RBFOX1: variants seen among roughly 807,000 people sequenced by gnomAD.
The protein encoded by RBFOX1 is RNA binding fox-1 homolog 1, also known as RNA binding protein fox-1 homolog 1.
A neutral mutation model predicts 57.7 loss-of-function variants in RBFOX1; 8 were observed. The ratio of observed to expected loss-of-function variants is 0.14; its 90% CI spans 0.08 to 0.25. The LOEUF (loss-of-function observed/expected upper bound fraction) is 0.25, where lower values mean the gene tolerates loss of function less well. Among genes scored for constraint, RBFOX1 ranks in the 10% least tolerant of loss-of-function variants. RBFOX1 has a pLI of 1.00. For synonymous variants in RBFOX1, 326 were observed against 222.4 expected (o/e 1.47, Z -4.15); for missense variants, 611 against 548.5 (o/e 1.11, Z -1.14).
chr16:7,091,109 C>T (rs1308157089), intron 4 of RBFOX1, among the ~76,000 whole-genome samples: 1 of 143,068 alleles, frequency 7.0e-6, no homozygotes, highest in Admixed American at 7.2e-5. Context: ...ATTTGTTTGA[C>T]TTTATAACCT....
intron 4 of RBFOX1, among the ~76,000 whole-genome samples, chr16:7,317,006 A>C (rs1353434620): frequency 6.6e-6 from 1 of 151,978 alleles, no homozygotes; most frequent in African/African-American, 2.4e-5. Flanking sequence ...ACACACAATA[A>C]GAGGGTTTAG....
intron 2 of RBFOX1, among the ~76,000 whole-genome samples, chr16:5,585,178 C>T (rs1375301593): frequency 6.6e-6 from 1 of 152,130 alleles, no homozygotes; most frequent in Non-Finnish European, 1.5e-5. Context: ...TCCTGCCCTC[C>T]CCCCGTCCCT....
At chr16:6,851,139 T>A (rs978560894) in intron 3 of RBFOX1, among the ~76,000 whole-genome samples, 4 of 152,226 alleles carry the variant, frequency 2.6e-5, no homozygotes, top group Admixed American at 2.6e-4. Context: ...AGCCCATTTC[T>A]AAATCATTTT....
rs553419165 is a variant in RBFOX1, at chr16:6,782,702, C to T, written c.-16+128052C>T. Among the ~76,000 whole-genome samples, 7 of 152,276 alleles carry T rather than the reference C, an allele frequency of 4.6e-5. No homozygotes were observed. In the East Asian group the frequency reaches 9.7e-4, roughly 21 times the overall value. ...GCCCATGAGAAGAATGTGTATTATTCAGCTATCGAATGAAATGTTTTGTAA... is the reference window on the plus strand; with the variant it reads ...GCCCATGAGAAGAATGTGTATTATTTAGCTATCGAATGAAATGTTTTGTAA... On this transcript the variant is annotated intron_variant, in intron 3 of 15. Transcript: ENST00000550418.
chr16:6,466,223 C>G (rs1483737841), intron 2 of RBFOX1, among the ~76,000 whole-genome samples: 1 of 143,002 alleles, frequency 7.0e-6, no homozygotes, highest in East Asian at 2.0e-4. Context: ...GATTAAAACT[C>G]TATCTCAAAA....
chr16:7,081,786 C>A (rs1411169256), intron 4 of RBFOX1, among the ~76,000 whole-genome samples: 1 of 152,026 alleles, frequency 6.6e-6, no homozygotes, highest in Non-Finnish European at 1.5e-5. Flanking sequence ...ATTTGAACAC[C>A]TGCCTGGAGA....
intron 2 of RBFOX1, among the ~76,000 whole-genome samples, chr16:6,626,419 T>C (rs2154052260): frequency 6.6e-6 from 1 of 152,238 alleles, no homozygotes; most frequent in South Asian, 2.1e-4. Context: ...TTGCTGTGGA[T>C]TCTCAACCAA....
At chr16:7,126,924 G>A (rs2068716383) in intron 4 of RBFOX1, among the ~76,000 whole-genome samples, 1 of 150,384 alleles carries the variant, frequency 6.6e-6, no homozygotes, top group Non-Finnish European at 1.5e-5. Context: ...CAGGAGAATA[G>A]CTTAAACCCG....
chr16:7,163,431 G>A (rs1231422699), intron 4 of RBFOX1, among the ~76,000 whole-genome samples: 2 of 152,092 alleles, frequency 1.3e-5, no homozygotes, highest in African/African-American at 4.8e-5. Flanking sequence ...CTGGTCTGGT[G>A]ACGTTTTGCT....
chr16:6,825,140 A>G lies in RBFOX1; in HGVS notation c.-16+170490A>G, dbSNP rs115205746. On this transcript the variant is annotated intron_variant, in intron 3 of 15. Transcript: ENST00000550418. ...GCCTCCCAAGTAGCTAGGATTAACA[A>G]CCTCACTCAGCACCCTTGGCGTTGC... Among the ~76,000 whole-genome samples the G allele has an allele frequency of 1.8e-3, 271 of 149,442 alleles. 2 individuals are homozygous for G. Among genetic ancestry groups the G allele is most frequent in the African/African-American group, 6.2e-3 (253 of 40,850 alleles).
chr16:6,648,845 CA>C (rs1257034186), intron 2 of RBFOX1, among the ~76,000 whole-genome samples: 1 of 152,032 alleles, frequency 6.6e-6, no homozygotes, highest in Non-Finnish European at 1.5e-5. Context: ...TGTAAACTGA[CA>C]AAAGTTATAT....
intron 3 of RBFOX1, among the ~76,000 whole-genome samples, chr16:5,756,259 C>T (rs187874208): frequency 6.8e-6 from 1 of 147,924 alleles, no homozygotes; most frequent in African/African-American, 2.5e-5. Flanking sequence ...CCCTGCACCA[C>T]CTCCTGCAGT....
chr16:7,523,358 A>T (rs2077939558), intron 5 of RBFOX1, among the ~76,000 whole-genome samples: 1 of 152,234 alleles, frequency 6.6e-6, no homozygotes, highest in African/African-American at 2.4e-5. Flanking sequence ...GGATGCAGAG[A>T]AATTTTCAAG....
chr16:6,004,646 C>G (rs1443835549), intron 4 of RBFOX1, among the ~76,000 whole-genome samples: 4 of 152,198 alleles, frequency 2.6e-5, no homozygotes, highest in South Asian at 2.1e-4. Flanking sequence ...TTTTATTTCT[C>G]TCTCCAGAAT....
intron 3 of RBFOX1, among the ~76,000 whole-genome samples, chr16:6,849,332 T>A (rs932017085): frequency 1.3e-5 from 2 of 152,136 alleles, no homozygotes; most frequent in East Asian, 1.9e-4. Context: ...AGAAATAGAT[T>A]ATGACAAAAG....
chr16:7,448,320 A>T (rs2098824230), intron 4 of RBFOX1, among the ~76,000 whole-genome samples: 1 of 152,228 alleles, frequency 6.6e-6, no homozygotes, highest in South Asian at 2.1e-4. Flanking sequence ...TAATAAAGAC[A>T]TACCTGAAAC....
chr16:7,017,661 T>C (rs981674485), intron 3 of RBFOX1, among the ~76,000 whole-genome samples: 7 of 152,184 alleles, frequency 4.6e-5, no homozygotes, highest in Non-Finnish European at 1.0e-4. Context: ...GGCTGATACA[T>C]GCTTGACCTT....
At chr16:7,194,229 A>T (rs1353499972) in intron 4 of RBFOX1, among the ~76,000 whole-genome samples, 8 of 152,244 alleles carry the variant, frequency 5.3e-5, no homozygotes, top group Admixed American at 5.2e-4. Flanking sequence ...CAGTGTCTAC[A>T]GGTAATGGTT....
chr16:6,321,713 T>C (rs190501750), intron 2 of RBFOX1, among the ~76,000 whole-genome samples: 306 of 152,328 alleles, frequency 2.0e-3, no homozygotes, highest in Non-Finnish European at 3.7e-3. Flanking sequence ...AATGAAGAGA[T>C]AGATAAATGC....
Sources: allele counts gnomAD v4.1 joint callset (sites outside exome capture counted in the v4.1 genomes callset), GRCh38; gene constraint gnomAD v4.1.1; transcripts MANE v1.5; gene names NCBI Gene and HGNC (gene_info 2026-07-23, HGNC 2026-07-21).